CEP128: variants seen among roughly 807,000 people sequenced by gnomAD.
CEP128 encodes centrosomal protein 128kDa.
A neutral mutation model predicts 156.7 loss-of-function variants in CEP128; 132 were observed. The ratio of observed to expected loss-of-function variants is 0.84; its 90% CI spans 0.73 to 0.97. CEP128 has a LOEUF of 0.97. Among genes scored for constraint, CEP128 ranks in the 50% least tolerant of loss-of-function variants. The probability of loss-of-function intolerance (pLI) is 0.00; values close to 1 mark genes in which losing one functional copy is unlikely to be tolerated. For missense variants in CEP128, 1,252 were observed against 1,281.9 expected, an observed-to-expected ratio of 0.98 and a Z score of 0.36; for synonymous variants, 469 against 448.9, an observed-to-expected ratio of 1.04 and a Z score of -0.57.
At chr14:80,790,891 T>C (rs946024176) in intron 14 of CEP128, among the ~76,000 whole-genome samples, 1 of 152,134 alleles carries the variant, frequency 6.6e-6, no homozygotes, top group African/African-American at 2.4e-5. Flanking sequence ...GTAAGGCTAC[T>C]TATTAAGTAA....
intron 24 of CEP128, among the ~76,000 whole-genome samples, chr14:80,498,367 C>T (rs986690316): frequency 1.3e-5 from 2 of 152,152 alleles, no homozygotes; most frequent in African/African-American, 2.4e-5. Flanking sequence ...AGTTACCTTT[C>T]GGAAAAGTCA....
At chr14:80,590,188 A>T (rs1326662052) in intron 19 of CEP128, among the ~76,000 whole-genome samples, 1 of 152,164 alleles carries the variant, frequency 6.6e-6, no homozygotes, top group Non-Finnish European at 1.5e-5. Context: ...TTGAAATGGC[A>T]AGCATGTGTT....
intron 23 of CEP128, among the ~76,000 whole-genome samples, chr14:80,516,398 T>C (rs1309802094): frequency 6.6e-6 from 1 of 151,928 alleles, no homozygotes; most frequent in Admixed American, 6.6e-5. Flanking sequence ...AAGAAAGGAG[T>C]GTCTCCTGGA....
chr14:80,923,082 T>A lies in CEP128; in HGVS notation c.-15-6520A>T, dbSNP rs77671408. On this transcript the variant is annotated intron_variant, in intron 2 of 24. Coordinates refer to ENST00000555265, the MANE Select transcript of CEP128 (RefSeq NM_152446.5). ...ACCTTGAGAGAAAGTCTCTGGAATCTTAGAGCAAGCTCTGGGTCTGATATC... is the reference window on the plus strand; with the variant it reads ...ACCTTGAGAGAAAGTCTCTGGAATCATAGAGCAAGCTCTGGGTCTGATATC... Among the ~76,000 whole-genome samples the A allele has an allele frequency of 1.9e-3, 282 of 152,348 alleles. 2 individuals are homozygous for A. The highest frequency in any genetic ancestry group is 6.4e-3 in the African/African-American group (266 of 41,590).
chr14:80,486,215 G>A (rs543114598), downstream of CEP128, among the ~76,000 whole-genome samples: 10 of 152,246 alleles, frequency 6.6e-5, no homozygotes, highest in South Asian at 2.1e-4. Flanking sequence ...AGAACTAGGC[G>A]AAGAATGCAG....
chr14:80,957,318 C>T (rs1359698151), intron 2 of CEP128, among the ~76,000 whole-genome samples: 1 of 152,234 alleles, frequency 6.6e-6, no homozygotes, highest in Non-Finnish European at 1.5e-5. Flanking sequence ...TGAACCTAAC[C>T]CTAGCCCTTA....
rs1307831107 is a variant in CEP128, at chr14:80,581,308, A to G, written c.2807-885T>C. Among the ~76,000 whole-genome samples the G allele has an allele frequency of 2.6e-5, 4 of 152,198 alleles. No homozygotes were observed. In the East Asian group the frequency reaches 7.7e-4, roughly 29 times the overall value. ...ATTTGCCTTACTCTCTCATTGATAT[A>G]GCTTACCAAGAGACTATGTTACATA... On this transcript the variant is annotated intron_variant, in intron 19 of 24. Transcript: ENST00000555265.
chr14:80,657,061 C>G (rs943797471), intron 19 of CEP128, among the ~76,000 whole-genome samples: 14 of 151,676 alleles, frequency 9.2e-5, no homozygotes, highest in African/African-American at 3.4e-4. Flanking sequence ...TGTTCAAGAC[C>G]AGCCTGGCCA....
At chr14:80,484,735 T>C (rs754852970) in intron 14 of CEP128, among the ~76,000 whole-genome samples, 2 of 152,226 alleles carry the variant, frequency 1.3e-5, no homozygotes, top group Non-Finnish European at 2.9e-5. Context: ...TTTTAACTTA[T>C]TCTCCTTTAG....
At chr14:80,881,193 A>C (rs1351907032) in intron 8 of CEP128, among the ~76,000 whole-genome samples, 1 of 152,098 alleles carries the variant, frequency 6.6e-6, no homozygotes, top group Non-Finnish European at 1.5e-5. Flanking sequence ...CTAAGAAAAA[A>C]ATAGAGAAGA....
At chr14:80,531,887 T>C (rs1421644015) in intron 21 of CEP128, among the ~76,000 whole-genome samples, 2 of 152,080 alleles carry the variant, frequency 1.3e-5, no homozygotes, top group African/African-American at 4.8e-5. Context: ...AATGAGACAG[T>C]TGAACCTGAG....
At chr14:80,887,052 G>T (rs1163670256) in intron 8 of CEP128, among the ~76,000 whole-genome samples, 1 of 152,176 alleles carries the variant, frequency 6.6e-6, no homozygotes, top group East Asian at 1.9e-4. Flanking sequence ...TAAAGGTAAA[G>T]GAATCAATGC....
intron 21 of CEP128, among the ~76,000 whole-genome samples, chr14:80,553,844 A>G (rs1366959052): frequency 6.6e-6 from 1 of 152,204 alleles, no homozygotes; most frequent in Non-Finnish European, 1.5e-5. Context: ...TATATAAACA[A>G]GAACAGTATT....
intron 19 of CEP128, among the ~76,000 whole-genome samples, chr14:80,699,041 G>A (rs1406360358): frequency 6.6e-6 from 1 of 152,130 alleles, no homozygotes; most frequent in African/African-American, 2.4e-5. Context: ...ATGAGAGGGA[G>A]AGAAATAATG....
intron 11 of CEP128, among the ~76,000 whole-genome samples, chr14:80,837,490 G>A (rs780344368): frequency 2.3e-4 from 35 of 152,178 alleles, no homozygotes; most frequent in Non-Finnish European, 4.3e-4. Context: ...AGGCCGAGGT[G>A]GGGAATCACG....
At chr14:80,718,863 G>A (rs138202719) in intron 19 of CEP128, among the ~76,000 whole-genome samples, 121 of 152,302 alleles carry the variant, frequency 7.9e-4, no homozygotes, top group African/African-American at 2.8e-3. Context: ...TTTGCTTCAC[G>A]TCTTTGTTTT....
intron 23 of CEP128, among the ~76,000 whole-genome samples, chr14:80,525,659 T>TAGTGAATATA (rs1457325147): frequency 1.2e-4 from 19 of 152,150 alleles, no homozygotes; most frequent in African/African-American, 4.6e-4. Context: ...GTCACCACTA[T>TAGTGAATATA]AGTGAATATA....
chr14:80,541,463 A>AC (rs1432175527), intron 21 of CEP128, among the ~76,000 whole-genome samples: 2 of 150,084 alleles, frequency 1.3e-5, no homozygotes, highest in African/African-American at 5.0e-5. Context: ...AAAAAAAAAA[A>AC]AACCAGGAAA....
At chr14:80,697,981 C>A (rs1173422451) in intron 19 of CEP128, among the ~76,000 whole-genome samples, 5 of 151,804 alleles carry the variant, frequency 3.3e-5, no homozygotes, top group African/African-American at 4.8e-5. Context: ...TTCTTTGACT[C>A]TTTTATCCTA....
Sources: gnomAD v4.1 joint callset for allele counts (sites outside exome capture counted in the v4.1 genomes callset) on GRCh38, gnomAD v4.1.1 for gene constraint, MANE v1.5 for transcripts, NCBI Gene and HGNC (gene_info 2026-07-23, HGNC 2026-07-21) for gene names.